The following NAALADL2 variants were observed in gnomAD, a reference collection of about 807,000 sequenced individuals.
The protein encoded by NAALADL2 is N-acetylated alpha-linked acidic dipeptidase like 2, also known as inactive N-acetylated-alpha-linked acidic dipeptidase-like protein 2.
In NAALADL2, 76 loss-of-function variants were observed where a neutral mutation model predicts 87.2. The observed-to-expected ratio is 0.87, with a 90% CI of 0.72 to 1.05. The LOEUF (loss-of-function observed/expected upper bound fraction) is 1.05, where lower values mean the gene tolerates loss of function less well. Among genes scored for constraint, NAALADL2 ranks in the 50% least tolerant of loss-of-function variants. The pLI is 0.00. For missense variants in NAALADL2, 1,089 were observed against 945.8 expected, an observed-to-expected ratio of 1.15 and a Z score of -1.99; for synonymous variants, 354 against 331.0, an observed-to-expected ratio of 1.07 and a Z score of -0.75.
chr3:174,663,189 A>G (rs1725667019), intron 2 of NAALADL2, among the ~76,000 whole-genome samples: 1 of 152,180 alleles, frequency 6.6e-6, no homozygotes, highest in Non-Finnish European at 1.5e-5. Context: ...ATAATTGGAG[A>G]AAACTATGTT....
intron 12 of NAALADL2, among the ~76,000 whole-genome samples, chr3:175,747,294 T>C (rs1317351): frequency 0.031 from 4,672 of 152,322 alleles, 175 homozygotes; most frequent in African/African-American, 0.094. Context: ...TCCTTCTCCA[T>C]TCTGAGTACT....
At position 175,623,144 on chromosome 3, in the gene NAALADL2, TATGCATAAAAAA is replaced by T. The variant is rs201330920; in HGVS notation, c.1801-4137_1801-4126del. The stretch of plus-strand genomic sequence containing the variant: ...GGTTGTTTTACGTTGAGGGATAATT[TATGCATAAAAAA>T]ATGCATAAATCTTAATTTTTAAGTT... On this transcript the variant is annotated intron_variant, in intron 10 of 13. Coordinates refer to ENST00000454872, the MANE Select transcript of NAALADL2 (RefSeq NM_207015.3). 9.5e-3 allele frequency among the ~76,000 whole-genome samples: 1,443 copies of T among 152,250 alleles called. 23 individuals are homozygous for T. Among genetic ancestry groups the T allele is most frequent in the African/African-American group, 0.031 (1,304 of 41,564 alleles).
intron 2 of NAALADL2, among the ~76,000 whole-genome samples, chr3:175,181,699 A>G (rs74969030): frequency 0.72 from 77,238 of 107,528 alleles, 30,425 homozygotes; most frequent in Non-Finnish European, 0.8. Context: ...ATATATATAT[A>G]TATATGTGTG....
At chr3:174,674,555 G>A (rs116298132) in intron 2 of NAALADL2, among the ~76,000 whole-genome samples, 1 of 151,872 alleles carries the variant, frequency 6.6e-6, no homozygotes, top group African/African-American at 2.4e-5. Context: ...TTTGAAAAGG[G>A]TTTTACACAT....
chr3:174,768,238 C>A (rs763658779), intron 3 of NAALADL2, among the ~76,000 whole-genome samples: 1 of 152,110 alleles, frequency 6.6e-6, no homozygotes, highest in Non-Finnish European at 1.5e-5. Flanking sequence ...GCAGTCAATT[C>A]AGTGAGTAAA....
intron 2 of NAALADL2, among the ~76,000 whole-genome samples, chr3:175,178,472 A>G (rs1736000207): frequency 6.6e-6 from 1 of 152,040 alleles, no homozygotes; most frequent in African/African-American, 2.4e-5. Flanking sequence ...GGTCAAGGGT[A>G]GAATTCCTTG....
At chr3:175,132,553 C>T (rs1284231131) in intron 2 of NAALADL2, among the ~76,000 whole-genome samples, 36 of 63,008 alleles carry the variant, frequency 5.7e-4, no homozygotes, top group African/African-American at 3.2e-3. Context: ...AATGGCCGGG[C>T]GGGGGGGCTG....
At chr3:174,946,090 A>G (rs1224040602) in intron 1 of NAALADL2, among the ~76,000 whole-genome samples, 2 of 151,530 alleles carry the variant, frequency 1.3e-5, no homozygotes, top group Non-Finnish European at 2.9e-5. Flanking sequence ...AATGAGACAG[A>G]AAAAATGTGA....
At chr3:174,875,475 T>C (rs1002092500) in intron 1 of NAALADL2, among the ~76,000 whole-genome samples, 15 of 152,258 alleles carry the variant, frequency 9.9e-5, no homozygotes, top group Middle Eastern at 6.8e-3. Flanking sequence ...TTATGTACCT[T>C]TTTTAAGAGA....
intron 9 of NAALADL2, among the ~76,000 whole-genome samples, chr3:175,562,790 TAAAA>T (rs5854641): frequency 1.3e-5 from 2 of 151,710 alleles, no homozygotes; most frequent in African/African-American, 4.8e-5. Context: ...TAAACCCAAT[TAAAA>T]AAAGTCTTCT....
At chr3:174,707,417 C>G (rs1460493932) in intron 2 of NAALADL2, among the ~76,000 whole-genome samples, 1 of 152,000 alleles carries the variant, frequency 6.6e-6, no homozygotes, top group Non-Finnish European at 1.5e-5. Flanking sequence ...CAATGATAGA[C>G]TGGATTAAGA....
intron 10 of NAALADL2, among the ~76,000 whole-genome samples, chr3:175,591,808 A>G (rs199756243): frequency 0.67 from 95,734 of 142,954 alleles, 33,364 homozygotes; most frequent in East Asian, 0.86. Context: ...ATATATATAT[A>G]TATATATATA....
At chr3:174,658,090 G>A (rs999807560) in intron 2 of NAALADL2, among the ~76,000 whole-genome samples, 2 of 152,110 alleles carry the variant, frequency 1.3e-5, no homozygotes, top group African/African-American at 2.4e-5. Flanking sequence ...CTAGAAACAC[G>A]TATGTTCAGT....
At chr3:175,076,581 A>G (rs918571744) in intron 1 of NAALADL2, among the ~76,000 whole-genome samples, 3 of 152,170 alleles carry the variant, frequency 2.0e-5, no homozygotes, top group African/African-American at 7.2e-5. Flanking sequence ...TCATGAATAA[A>G]TATTGGACAT....
At chr3:174,761,368 T>C (rs1402022541) in intron 3 of NAALADL2, among the ~76,000 whole-genome samples, 2 of 152,136 alleles carry the variant, frequency 1.3e-5, no homozygotes, top group Non-Finnish European at 2.9e-5. Context: ...AAAGCTATTT[T>C]AAAATAAAGT....
intron 11 of NAALADL2, chr3:175,675,312 G>A (rs1385032185): frequency 6.6e-6 from 1 of 152,190 alleles, no homozygotes; most frequent in Non-Finnish European, 1.5e-5. Context: ...TGACCATTCT[G>A]AGTTTTTGCC....
intron 2 of NAALADL2, among the ~76,000 whole-genome samples, chr3:175,181,677 G>A (rs1736494896): frequency 2.9e-5 from 1 of 34,020 alleles, no homozygotes; most frequent in Non-Finnish European, 6.1e-5. Context: ...TATTCCATTG[G>A]CATATATATA....
At chr3:175,172,021 AC>A (rs1416290176) in intron 2 of NAALADL2, among the ~76,000 whole-genome samples, 3 of 152,080 alleles carry the variant, frequency 2.0e-5, no homozygotes, top group African/African-American at 7.2e-5. Flanking sequence ...GTAGTTAGAA[AC>A]AAAGTCTTTT....
chr3:174,520,278 C>A (rs1019862337), intron 1 of NAALADL2, among the ~76,000 whole-genome samples: 1 of 152,104 alleles, frequency 6.6e-6, no homozygotes, highest in African/African-American at 2.4e-5. Context: ...GCAAAAGGAA[C>A]AAAGCTGGAG....
Sources: allele counts gnomAD v4.1 joint callset (sites outside exome capture counted in the v4.1 genomes callset), GRCh38; gene constraint gnomAD v4.1.1; transcripts MANE v1.5; gene names NCBI Gene and HGNC (gene_info 2026-07-23, HGNC 2026-07-21).